Variants in MAPK10 observed in about 807,000 individuals in gnomAD.
MAPK10 encodes the protein JNK3 alpha protein kinase.
In MAPK10, 25 loss-of-function variants were observed where a neutral mutation model predicts 59.3. The observed-to-expected ratio is 0.42, with a 90% CI of 0.31 to 0.59. MAPK10 has a LOEUF of 0.59. Ranked by LOEUF, MAPK10 falls within the 20% of genes least tolerant of loss-of-function variation. The pLI is 0.15. For missense variants in MAPK10, 351 were observed against 568.9 expected (o/e 0.62, Z 3.90); for synonymous variants, 190 against 200.5 (o/e 0.95, Z 0.44).
chr4:86,203,299 A>G (rs189934815), intron 2 of MAPK10, among the ~76,000 whole-genome samples: 22 of 152,060 alleles, frequency 1.4e-4, no homozygotes, highest in African/African-American at 5.1e-4. Flanking sequence ...ACACTTAAGA[A>G]TTTATTAGGC....
intron 1 of MAPK10, among the ~76,000 whole-genome samples, chr4:86,479,707 C>T (rs1175402996): frequency 6.6e-6 from 1 of 152,130 alleles, no homozygotes; most frequent in Non-Finnish European, 1.5e-5. Context: ...CTTCCTTAGG[C>T]ACTCTCTAGT....
chr4:86,454,352 G>A (rs1751050034), upstream of MAPK10, among the ~76,000 whole-genome samples: 1 of 152,088 alleles, frequency 6.6e-6, no homozygotes, highest in Non-Finnish European at 1.5e-5. Flanking sequence ...CCCAGTGTAA[G>A]GAAATCAAAA....
intron 1 of MAPK10, among the ~76,000 whole-genome samples, chr4:86,490,618 T>TA (rs1419586269): frequency 6.6e-6 from 1 of 152,226 alleles, no homozygotes; most frequent in Non-Finnish European, 1.5e-5. Context: ...AAGTAGGGAC[T>TA]AAAGTCCAGC....
At chr4:86,378,306 C>T (rs1740130782) in intron 1 of MAPK10, among the ~76,000 whole-genome samples, 1 of 152,140 alleles carries the variant, frequency 6.6e-6, no homozygotes, top group East Asian at 1.9e-4. Flanking sequence ...CACCTCATGG[C>T]TTTTGCACTT....
rs978126555 is a variant in MAPK10 at position 86,015,020 on chromosome 4, A to C, written c.*2208T>G. 4.6e-5 allele frequency: 7 copies of C among 152,056 alleles called. No individual in the cohort carries two copies. Among genetic ancestry groups the C allele is most frequent in the East Asian group, 1.9e-4 (1 of 5,180 alleles). The allele number at this position is 152,056 out of a possible 1,614,324, so 9.4% of individuals were successfully genotyped here. On this transcript the variant is annotated 3_prime_UTR_variant, in exon 14 of 14. Coordinates refer to ENST00000641462, the MANE Select transcript of MAPK10 (RefSeq NM_138982.4). ...GAGGAGAAGTTTTTAAAAAAAAAAA[A>C]AAAAAACAGGAATATGAAAGAGAGG...
At chr4:86,299,727 T>C (rs1013291563) in intron 2 of MAPK10, among the ~76,000 whole-genome samples, 8 of 152,312 alleles carry the variant, frequency 5.3e-5, no homozygotes, top group African/African-American at 1.9e-4. Flanking sequence ...AATTACTATA[T>C]TATGCTATTT....
At chr4:86,162,517 C>T (rs764206318) in intron 3 of MAPK10, among the ~76,000 whole-genome samples, 10 of 152,032 alleles carry the variant, frequency 6.6e-5, no homozygotes, top group South Asian at 4.1e-4. Flanking sequence ...ATGGTCTTGG[C>T]GCAAACTCAT....
At chr4:86,321,501 C>T (rs193262101) in intron 2 of MAPK10, among the ~76,000 whole-genome samples, 1,953 of 148,698 alleles carry the variant, frequency 0.013, 9 homozygotes, top group Non-Finnish European at 0.015. Flanking sequence ...AAACAAACAC[C>T]GCATATTCTC....
At chr4:86,411,989 T>C (rs1745236338) in intron 1 of MAPK10, among the ~76,000 whole-genome samples, 1 of 152,252 alleles carries the variant, frequency 6.6e-6, no homozygotes, top group African/African-American at 2.4e-5. Context: ...AGTTTCTTCA[T>C]AGCATTGATG....
chr4:86,405,016 T>G (rs1321699967), intron 1 of MAPK10, among the ~76,000 whole-genome samples: 1 of 152,202 alleles, frequency 6.6e-6, no homozygotes, highest in Non-Finnish European at 1.5e-5. Flanking sequence ...CCCAGGAGTT[T>G]GGCATGAGTC....
chr4:86,472,299 G>A (rs968672603), intron 1 of MAPK10, among the ~76,000 whole-genome samples: 2 of 152,052 alleles, frequency 1.3e-5, no homozygotes, highest in African/African-American at 4.8e-5. Flanking sequence ...ATTCTAAGTG[G>A]TATTTATGGA....
chr4:86,442,564 T>C (rs1439314118), intron 1 of MAPK10, among the ~76,000 whole-genome samples: 1 of 152,204 alleles, frequency 6.6e-6, no homozygotes, highest in East Asian at 1.9e-4. Context: ...CCTCCCTACA[T>C]CCACAGAAGA....
chr4:86,220,596 C>G (rs2089264582), intron 2 of MAPK10, among the ~76,000 whole-genome samples: 1 of 152,204 alleles, frequency 6.6e-6, no homozygotes. Context: ...ATATGATTAA[C>G]TGGCTGATAT....
In MAPK10 at chr4:86,340,058, A is replaced by G. The variant is rs527290123; in HGVS notation, c.-7+14472T>C. Among the ~76,000 whole-genome samples, 4 of 152,340 alleles carry G rather than the reference A, an allele frequency of 2.6e-5. No homozygotes were observed. The South Asian group carries it at 8.3e-4, about 32-fold the overall frequency. On this transcript the variant is annotated intron_variant, in intron 2 of 13. Coordinates refer to ENST00000641462, the MANE Select transcript of MAPK10 (RefSeq NM_138982.4). ...CCAGAATCAAGCTCTTAACTACTATATTATTTCAAGTAGGTAATGATACTT... is the reference window on the plus strand; with the variant it reads ...CCAGAATCAAGCTCTTAACTACTATGTTATTTCAAGTAGGTAATGATACTT...
At chr4:86,443,519 G>A (rs1469340133) in intron 1 of MAPK10, among the ~76,000 whole-genome samples, 2 of 150,842 alleles carry the variant, frequency 1.3e-5, no homozygotes, top group Non-Finnish European at 3.0e-5. Flanking sequence ...GGAGAACCGA[G>A]AAGCACTTGT....
chr4:86,339,006 A>T (rs1460906465), intron 2 of MAPK10, among the ~76,000 whole-genome samples: 4 of 152,104 alleles, frequency 2.6e-5, no homozygotes, highest in South Asian at 2.1e-4. Flanking sequence ...ATGCTAACTA[A>T]TTTGCCCATA....
chr4:86,272,321 C>A (rs763850466), intron 2 of MAPK10, among the ~76,000 whole-genome samples: 4 of 151,994 alleles, frequency 2.6e-5, no homozygotes, highest in Non-Finnish European at 4.4e-5. Context: ...GAGCAGAACC[C>A]TTAAATGTTG....
intron 2 of MAPK10, among the ~76,000 whole-genome samples, chr4:86,352,780 A>G (rs1375460802): frequency 6.6e-6 from 1 of 152,184 alleles, no homozygotes; most frequent in Non-Finnish European, 1.5e-5. Context: ...CGTATGGTAT[A>G]TTTCACAATT....
intron 1 of MAPK10, among the ~76,000 whole-genome samples, chr4:86,566,668 C>T (rs548610382): frequency 1.3e-5 from 2 of 151,844 alleles, no homozygotes; most frequent in African/African-American, 4.8e-5. Flanking sequence ...TGAGCCGACA[C>T]AGTACCACTG....
Sources: allele counts gnomAD v4.1 joint callset (sites outside exome capture counted in the v4.1 genomes callset), GRCh38; gene constraint gnomAD v4.1.1; transcripts MANE v1.5; gene names NCBI Gene and HGNC (gene_info 2026-07-23, HGNC 2026-07-21).